The following CDH17 variants were observed in gnomAD, a reference collection of about 807,000 sequenced individuals.
CDH17 encodes cadherin 17.
Under a neutral mutation model 86.3 loss-of-function variants are expected in CDH17, and 67 were observed. The ratio of observed to expected loss-of-function variants is 0.78; its 90% CI spans 0.64 to 0.95. The LOEUF is 0.95. CDH17 is among the 40% of genes least tolerant of loss of function. The pLI is 0.00. For synonymous variants in CDH17, 367 were observed against 366.4 expected (o/e 1.00, Z -0.02); for missense variants, 993 against 1,017.6 (o/e 0.98, Z 0.33).
At chr8:94,168,134 A>G (rs1586256676) in intron 9 of CDH17, among the ~76,000 whole-genome samples, 1 of 55,770 alleles carries the variant, frequency 1.8e-5, no homozygotes, top group Non-Finnish European at 4.0e-5. Context: ...ATATATATAT[A>G]TATATATATA....
intron 14 of CDH17, among the ~76,000 whole-genome samples, chr8:94,147,831 T>C (rs1258607680): frequency 6.6e-6 from 1 of 152,216 alleles, no homozygotes; most frequent in Non-Finnish European, 1.5e-5. Flanking sequence ...TCAAACATCC[T>C]GGGCTTTTCT....
intron 2 of CDH17, among the ~76,000 whole-genome samples, chr8:94,194,294 C>A (rs1261613197): frequency 6.6e-6 from 1 of 152,178 alleles, no homozygotes; most frequent in African/African-American, 2.4e-5. Context: ...AAAAGAAAGT[C>A]AAGATTAAGG....
At chr8:94,195,843 C>T (rs927832459) in intron 1 of CDH17, among the ~76,000 whole-genome samples, 1 of 151,804 alleles carries the variant, frequency 6.6e-6, no homozygotes, top group Non-Finnish European at 1.5e-5. Flanking sequence ...TTATTGCAAG[C>T]TCCGCCTCCC....
intron 15 of CDH17, among the ~76,000 whole-genome samples, chr8:94,133,472 G>T (rs1356218570): frequency 3.3e-5 from 5 of 151,922 alleles, no homozygotes; most frequent in African/African-American, 1.2e-4. Flanking sequence ...TTGTTTTGGT[G>T]TATAGGAACG....
rs747827020 is a variant in CDH17, at chr8:94,165,814, A to G, written c.1229T>C (p.Leu410Ser). 6.2e-7 allele frequency: 1 copy of G among 1,614,014 alleles called. No homozygotes were observed. Among genetic ancestry groups the G allele is most frequent in the South Asian group, 1.1e-5 (1 of 91,082 alleles). ...AGMLQLAKQS[L>S]KKQDTPQYNL... ...GTACTGAGGAGTATCTTGCTTCTTC[A>G]AGGACTGTTTAGCTAACTGTAACAT... Residue 410 changes from leucine to serine, a missense_variant, in exon 10 of 18, where the codon TTG (leucine) becomes TCG (serine). Physicochemically the swap from Leu to Ser is moderately radical, Grantham distance 145 (BLOSUM62 -2). Transcript: ENST00000027335.
intron 13 of CDH17, among the ~76,000 whole-genome samples, chr8:94,149,461 C>A (rs1255091460): frequency 6.6e-6 from 1 of 152,010 alleles, no homozygotes; most frequent in African/African-American, 2.4e-5. Context: ...ACAGTTGATT[C>A]CAATAAAATG....
intron 7 of CDH17, among the ~76,000 whole-genome samples, chr8:94,171,974 TCCC>T (rs1563578419): frequency 6.1e-5 from 6 of 97,876 alleles, no homozygotes; most frequent in African/African-American, 1.1e-4. Flanking sequence ...CATCTCCCCC[TCCC>T]CCCTCCCCCC....
At chr8:94,175,878 A>T (rs151262390) in intron 5 of CDH17, among the ~76,000 whole-genome samples, 43 of 152,250 alleles carry the variant, frequency 2.8e-4, no homozygotes, top group African/African-American at 1.0e-3. Context: ...ATCACCCTAG[A>T]AAAGCGTTTT....
intron 15 of CDH17, among the ~76,000 whole-genome samples, chr8:94,144,241 C>A (rs763987882): frequency 6.6e-6 from 1 of 152,166 alleles, no homozygotes; most frequent in Non-Finnish European, 1.5e-5. Context: ...CGTACGTCGA[C>A]GTCGCACTGA....
At chr8:94,132,744 G>A (rs1180219099) in intron 15 of CDH17, among the ~76,000 whole-genome samples, 2 of 152,218 alleles carry the variant, frequency 1.3e-5, no homozygotes, top group East Asian at 1.9e-4. Flanking sequence ...CCTTGCCCAC[G>A]CCTGTCTTCT....
At chr8:94,199,228 T>C (rs2130678775) in intron 1 of CDH17, among the ~76,000 whole-genome samples, 1 of 151,938 alleles carries the variant, frequency 6.6e-6, no homozygotes, top group East Asian at 1.9e-4. Context: ...TTGGGTAAAT[T>C]CTAAAACATT....
intron 14 of CDH17, among the ~76,000 whole-genome samples, chr8:94,146,514 T>C (rs1319249639): frequency 6.6e-6 from 1 of 152,244 alleles, no homozygotes; most frequent in Non-Finnish European, 1.5e-5. Flanking sequence ...GCCTTAGGCA[T>C]GTTAGTAGAG....
At chr8:94,170,353 A>G (rs1466064414) in intron 9 of CDH17, 44 bp downstream of exon 9, 6 of 1,595,604 alleles carry the variant, frequency 3.8e-6, no homozygotes, top group Non-Finnish European at 5.1e-6. Flanking sequence ...AGAGGAGAGA[A>G]ATGGAGGGCA....
rs1563569484 is a variant in CDH17, at chr8:94,148,731, T to TGG, written c.1927+12_1927+13insCC. The TGG allele has an allele frequency of 1.4e-6, 2 of 1,440,456 alleles. No homozygotes were observed. The highest frequency in any genetic ancestry group is 3.0e-5 in the South Asian group (2 of 66,512). 89.2% of individuals were successfully genotyped at this position (1,440,456 alleles called of 1,614,324 possible). The stretch of plus-strand genomic sequence containing the variant: ...TGTTCCTTTTTTTTTGTTTTTTTTT[T>TGG]TTTTTTGCTTACCTACTTCTGTGGC... On this transcript the variant is annotated intron_variant, in intron 14 of 17. Transcript: ENST00000027335.
chr8:94,152,836 C>A (rs1448105273), intron 12 of CDH17, among the ~76,000 whole-genome samples: 8 of 151,416 alleles, frequency 5.3e-5, no homozygotes. Context: ...GAAACTCACC[C>A]TTTTATTTTT....
intron 15 of CDH17, among the ~76,000 whole-genome samples, chr8:94,139,571 G>A (rs1284276761): frequency 1.3e-5 from 2 of 152,098 alleles, no homozygotes; most frequent in East Asian, 1.9e-4. Context: ...AGCACCCAGA[G>A]AAAAAAGAAT....
intron 9 of CDH17, among the ~76,000 whole-genome samples, chr8:94,168,300 A>AG (rs1414782647): frequency 2.4e-5 from 2 of 83,302 alleles, no homozygotes; most frequent in East Asian, 5.0e-4. Flanking sequence ...TAATTTTTGC[A>AG]GTTTTTTTTT....
chr8:94,191,595 G>C (rs1376236174), intron 2 of CDH17, among the ~76,000 whole-genome samples: 1 of 123,872 alleles, frequency 8.1e-6, no homozygotes, highest in Non-Finnish European at 1.9e-5. Context: ...GGCATTACAG[G>C]CACCCCCCCA....
chr8:94,180,571 G>A (rs1050748563), intron 3 of CDH17, among the ~76,000 whole-genome samples: 1 of 152,110 alleles, frequency 6.6e-6, no homozygotes, highest in Admixed American at 6.6e-5. Context: ...ATTTTCCATG[G>A]AGATCAGAAG....
Sources: allele counts gnomAD v4.1 joint callset (sites outside exome capture counted in the v4.1 genomes callset), GRCh38; gene constraint gnomAD v4.1.1; transcripts MANE v1.5; gene names NCBI Gene and HGNC (gene_info 2026-07-23, HGNC 2026-07-21).